Variants in RFX7 observed in about 807,000 individuals in gnomAD.
RFX7 encodes the protein DNA-binding protein RFX7.
RFX7 carries 26 observed loss-of-function variants against 111.8 expected under a neutral mutation model. That is an observed-to-expected ratio of 0.23 (90% CI 0.17 to 0.32). RFX7 has a LOEUF of 0.32. Ranked by LOEUF, RFX7 falls within the 10% of genes least tolerant of loss-of-function variation. RFX7 has a pLI of 1.00. For missense variants in RFX7, 1,573 were observed against 1,772.9 expected (o/e 0.89, Z 2.02); for synonymous variants, 624 against 624.4 (o/e 1.00, Z 0.01).
chr15:56,243,013 T>C (rs1304439389), intron 2 of RFX7, 112 bp downstream of exon 2: 29 of 759,158 alleles, frequency 3.8e-5, no homozygotes, highest in Non-Finnish European at 5.5e-5. Context: ...AAAGCCACAT[T>C]CAATGAATGC....
intron 2 of RFX7, among the ~76,000 whole-genome samples, chr15:56,198,403 A>G (rs1326796445): frequency 3.3e-5 from 5 of 152,190 alleles, no homozygotes; most frequent in Non-Finnish European, 7.3e-5. Flanking sequence ...ATGTTCCATT[A>G]GAGTAAAAGG....
intron 9 of RFX7, 128 bp from the exon 10 acceptor site, chr15:56,096,748 AAG>A (rs1376509208): frequency 1.0e-6 from 1 of 999,498 alleles, no homozygotes; most frequent in Non-Finnish European, 1.4e-6. Flanking sequence ...CCTATGTTAG[AAG>A]AGAGTTCTTC....
Position 56,089,143 on chromosome 15 carries a change from T to C in RFX7, c.*4202A>G, listed in dbSNP as rs751994946. Reference sequence around the variant, plus strand: ...TTAATTAAGGATCTAAGCTAAGTAATTGGCCTTAGGATGAGCCTTTGTTTA... The same window carrying C: ...TTAATTAAGGATCTAAGCTAAGTAACTGGCCTTAGGATGAGCCTTTGTTTA... On this transcript the variant is annotated 3_prime_UTR_variant, in exon 10 of 10. Transcript: ENST00000559447. 1 of 152,236 alleles carries C rather than the reference T, an allele frequency of 6.6e-6. No homozygotes were observed. Among genetic ancestry groups the C allele is most frequent in the Admixed American group, 6.5e-5 (1 of 15,272 alleles). The allele number at this position is 152,236 out of a possible 1,614,324, so 9.4% of individuals were successfully genotyped here. A position where few individuals can be genotyped will look rare whatever the true frequency, so the allele number is the denominator to read the frequency against.
chr15:56,217,376 C>G (rs1184551789), intron 2 of RFX7, among the ~76,000 whole-genome samples: 2 of 152,124 alleles, frequency 1.3e-5, no homozygotes, highest in Middle Eastern at 6.8e-3. Context: ...CCCCTAGAAC[C>G]AGATCAAATC....
intron 5 of RFX7, among the ~76,000 whole-genome samples, chr15:56,118,674 T>C (rs1303075933): frequency 6.6e-6 from 1 of 152,206 alleles, no homozygotes; most frequent in Admixed American, 6.5e-5. Flanking sequence ...AGATATCTCT[T>C]TGATATCCAG....
At chr15:56,217,784 A>G (rs2043377970) in intron 2 of RFX7, among the ~76,000 whole-genome samples, 1 of 152,200 alleles carries the variant, frequency 6.6e-6, no homozygotes, top group Non-Finnish European at 1.5e-5. Context: ...TGGTAGCAAC[A>G]TATTCAGGCA....
intron 9 of RFX7, among the ~76,000 whole-genome samples, chr15:56,097,069 C>T (rs1160261583): frequency 3.3e-5 from 5 of 152,208 alleles, no homozygotes; most frequent in South Asian, 4.1e-4. Context: ...AAATAAGATA[C>T]AACTACTGTC....
At chr15:56,220,822 A>T (rs896017106) in intron 2 of RFX7, among the ~76,000 whole-genome samples, 1 of 152,108 alleles carries the variant, frequency 6.6e-6, no homozygotes, top group Non-Finnish European at 1.5e-5. Context: ...TTTTACATGG[A>T]AGTTTTTATT....
chr15:56,188,530 C>G (rs1049655536), intron 2 of RFX7, among the ~76,000 whole-genome samples: 1 of 152,134 alleles, frequency 6.6e-6, no homozygotes. Flanking sequence ...ACTGTGAAAG[C>G]AGCCAGAAAA....
chr15:56,221,240 T>C (rs1332313534), intron 2 of RFX7, among the ~76,000 whole-genome samples: 3 of 152,236 alleles, frequency 2.0e-5, no homozygotes, highest in Non-Finnish European at 4.4e-5. Flanking sequence ...TTGATACAAA[T>C]AGCACTGAAT....
In RFX7 at chr15:56,096,114, T is replaced by C. The variant is rs772781221; in HGVS notation, c.1614A>G (p.Lys538=). 3 of 1,613,806 alleles carry C rather than the reference T, an allele frequency of 1.9e-6. No homozygotes were observed. The South Asian group carries it at 3.3e-5, about 18-fold the overall frequency. The change falls in exon 10 of 10, where the codon AAA becomes AAG. Residue 538 remains lysine (K), a synonymous_variant. Transcript: ENST00000559447. ...CATCTGATGATGTTTCGGGTTCCAC[T>C]TTGACTTCCACAGCAGATGTTCCCC... ...SAGGTSAVEV[K]VEPETSSDEH... is the part of the protein sequence containing the mutation.
intron 2 of RFX7, among the ~76,000 whole-genome samples, chr15:56,214,560 G>A (rs1402507286): frequency 2.0e-5 from 3 of 151,032 alleles, no homozygotes; most frequent in East Asian, 3.9e-4. Context: ...CTAAAAATAC[G>A]AAAAATTAGC....
Position 56,101,405 on chromosome 15 carries a change from G to T in RFX7, c.765C>A (p.Gly255=). 1 of 1,609,430 alleles carries T rather than the reference G, an allele frequency of 6.2e-7. No homozygotes were observed. The highest frequency in any genetic ancestry group is 8.5e-7 in the Non-Finnish European group (1 of 1,177,990). ...CAGTTAGAGCTGCCATTGACTTGGTGCCTATATAGTGACTTTTTACAAGGA... is the reference window on the plus strand; with the variant it reads ...CAGTTAGAGCTGCCATTGACTTGGTTCCTATATAGTGACTTTTTACAAGGA... ...ARFLVKSHYI[G]TKSMAALTVM... The change falls in exon 8 of 10, where the codon GGC becomes GGA. Residue 255 remains glycine, a synonymous_variant. Coordinates refer to ENST00000559447, the MANE Select transcript of RFX7 (RefSeq NM_022841.7).
intron 3 of RFX7, among the ~76,000 whole-genome samples, chr15:56,170,015 T>A (rs75089940): frequency 6.6e-6 from 1 of 152,188 alleles, no homozygotes; most frequent in Admixed American, 6.5e-5. Context: ...ATTTTATAAG[T>A]GTATGATCTC....
chr15:56,113,785 CTT>C (rs2041970237), intron 5 of RFX7, among the ~76,000 whole-genome samples: 1 of 151,884 alleles, frequency 6.6e-6, no homozygotes, highest in Non-Finnish European at 1.5e-5. Flanking sequence ...TAAAAGGACT[CTT>C]AAGACTTACC....
intron 2 of RFX7, among the ~76,000 whole-genome samples, chr15:56,225,420 C>G (rs1414129912): frequency 2.0e-5 from 3 of 152,168 alleles, no homozygotes; most frequent in African/African-American, 7.2e-5. Context: ...ATTGTTTATA[C>G]TGCACTGCCA....
chr15:56,243,146 T>C lies in RFX7; in HGVS notation c.140A>G (p.His47Arg). Reference protein sequence around the residue: ...LPGTEASALQHKIKNSICKTV... With the variant: ...LPGTEASALQRKIKNSICKTV... Reference sequence around the variant, plus strand: ...TTACCAGATGGAGTTCTTGATCTTGTGTTGCAGCGCGCTGGCCTCTGTCCC... The same window carrying C: ...TTACCAGATGGAGTTCTTGATCTTGCGTTGCAGCGCGCTGGCCTCTGTCCC... Residue 47 changes from histidine (H) to arginine (R), a missense_variant, in exon 2 of 10, where the codon CAC becomes CGC. By Grantham distance (29) the His-to-Arg change is conservative. Around this residue, in one of 7 missense-constraint regions of RFX7, gnomAD observed 191 missense variants for 194.2 expected, o/e 0.98. Transcript: ENST00000559447. 7.4e-7 allele frequency: 1 copy of C among 1,360,182 alleles called. No individual in the cohort carries two copies. Among genetic ancestry groups the C allele is most frequent in the Non-Finnish European group, 9.8e-7 (1 of 1,019,356 alleles). The allele number at this position is 1,360,182 out of a possible 1,614,324, so 84.3% of individuals were successfully genotyped here. A position where few individuals can be genotyped will look rare whatever the true frequency, so the allele number is the denominator to read the frequency against.
At chr15:56,152,596 A>C (rs141558722) in intron 3 of RFX7, among the ~76,000 whole-genome samples, 2 of 152,214 alleles carry the variant, frequency 1.3e-5, no homozygotes, top group Non-Finnish European at 2.9e-5. Context: ...CACAAGAGAA[A>C]GCAGGAAAGA....
At chr15:56,213,690 T>C in intron 2 of RFX7, among the ~76,000 whole-genome samples, 1 of 152,134 alleles carries the variant, frequency 6.6e-6, no homozygotes, top group Admixed American at 6.6e-5. Flanking sequence ...TAATAAAGGG[T>C]ACACATGATC....
Sources: allele counts gnomAD v4.1 joint callset (sites outside exome capture counted in the v4.1 genomes callset), GRCh38; gene constraint gnomAD v4.1.1; regional missense constraint gnomAD v4.1.1; transcripts MANE v1.5; gene names NCBI Gene and HGNC (gene_info 2026-07-23, HGNC 2026-07-21).